Variants in ATP8A1 observed in about 807,000 individuals in gnomAD.
ATP8A1 encodes the protein ATPase phospholipid transporting 8A1.
A neutral mutation model predicts 177.7 loss-of-function variants in ATP8A1; 90 were observed. The ratio of observed to expected loss-of-function variants is 0.51; its 90% CI spans 0.43 to 0.60. ATP8A1 has a LOEUF of 0.60. ATP8A1 is among the 20% of genes least tolerant of loss of function. The pLI, the probability that ATP8A1 is intolerant of heterozygous loss-of-function variation, is 0.00. For missense variants in ATP8A1, 1,072 were observed against 1,392.8 expected (o/e 0.77, Z 3.67); for synonymous variants, 493 against 485.9 (o/e 1.01, Z -0.19).
intron 14 of ATP8A1, among the ~76,000 whole-genome samples, chr4:42,573,327 G>C (rs962787729): frequency 1.3e-5 from 2 of 152,150 alleles, no homozygotes; most frequent in Non-Finnish European, 2.9e-5. Context: ...AATTGCAATA[G>C]GCTTTACTTT....
chr4:42,447,909 C>A (rs1487068613), intron 30 of ATP8A1, among the ~76,000 whole-genome samples: 5 of 152,104 alleles, frequency 3.3e-5, no homozygotes. Context: ...AGTATCAGGG[C>A]AAGGCATGTT....
At chr4:42,653,193 C>T (rs1741281568) in intron 1 of ATP8A1, among the ~76,000 whole-genome samples, 1 of 152,210 alleles carries the variant, frequency 6.6e-6, no homozygotes, top group Non-Finnish European at 1.5e-5. Context: ...ACTCCCTTAT[C>T]TCCTTCATGC....
chr4:42,584,242 TAGGGGAAGC>T (rs1484452099), intron 9 of ATP8A1, among the ~76,000 whole-genome samples: 1 of 151,594 alleles, frequency 6.6e-6, no homozygotes, highest in Non-Finnish European at 1.5e-5. Context: ...TACCATAAAG[TAGGGGAAGC>T]AGGGAAAGAA....
chr4:42,609,763 A>G (rs957796303), intron 5 of ATP8A1, among the ~76,000 whole-genome samples: 1 of 151,790 alleles, frequency 6.6e-6, no homozygotes, highest in Non-Finnish European at 1.5e-5. Context: ...TTAATAAGAA[A>G]ATCAATCTCT....
rs182643709 is a variant in ATP8A1, at chr4:42,613,671, C to T, written c.409+2362G>A. ...CGGTCTTGGCTCACTGCAACCTCCG[C>T]CTCCTGGGTTTGAGCGATTCTCCTA... On this transcript the variant is annotated intron_variant, in intron 5 of 36. Coordinates refer to ENST00000381668, the MANE Select transcript of ATP8A1 (RefSeq NM_006095.2). 6.5e-3 allele frequency among the ~76,000 whole-genome samples: 991 copies of T among 152,232 alleles called. 39 individuals carry two copies. The highest frequency in any genetic ancestry group is 0.061 in the Admixed American group (937 of 15,284).
chr4:42,639,689 C>T (rs1339779703), intron 1 of ATP8A1, among the ~76,000 whole-genome samples: 1 of 152,094 alleles, frequency 6.6e-6, no homozygotes, highest in East Asian at 1.9e-4. Flanking sequence ...CTGTGAGAAC[C>T]TGCAAAATAG....
chr4:42,413,711 ATT>A (rs1005311812), intron 36 of ATP8A1, among the ~76,000 whole-genome samples: 2 of 151,942 alleles, frequency 1.3e-5, no homozygotes, highest in Non-Finnish European at 2.9e-5. Flanking sequence ...AATTTTGTGA[ATT>A]TTTTTTTCCC....
intron 16 of ATP8A1, among the ~76,000 whole-genome samples, chr4:42,555,474 C>G (rs1730118001): frequency 1.3e-5 from 2 of 151,792 alleles, no homozygotes; most frequent in African/African-American, 4.8e-5. Context: ...TAATAACCAC[C>G]ATGAATTAAT....
At chr4:42,552,186 G>A (rs1404844478) in intron 17 of ATP8A1, among the ~76,000 whole-genome samples, 1 of 152,098 alleles carries the variant, frequency 6.6e-6, no homozygotes, top group Non-Finnish European at 1.5e-5. Context: ...AAATCAGCTT[G>A]ACTAAGAGTT....
At chr4:42,420,891 C>T (rs1232477778) in intron 35 of ATP8A1, among the ~76,000 whole-genome samples, 5 of 152,078 alleles carry the variant, frequency 3.3e-5, no homozygotes, top group Middle Eastern at 3.4e-3. Context: ...GCCTCAGCCT[C>T]CCGAGTAGCT....
chr4:42,432,982 A>C (rs1052914703), intron 33 of ATP8A1, among the ~76,000 whole-genome samples: 7 of 152,188 alleles, frequency 4.6e-5, no homozygotes, highest in African/African-American at 1.2e-4. Context: ...CTCTGACTCA[A>C]ATCTTTATTC....
At chr4:42,446,722 G>T in intron 30 of ATP8A1, 78 bp from the exon 31 acceptor site, 2 of 1,337,508 alleles carry the variant, frequency 1.5e-6, no homozygotes, top group South Asian at 1.2e-5. Flanking sequence ...CAGAAAGTTT[G>T]AACGAAGGAA....
chr4:42,486,736 T>C (rs1458243000), intron 24 of ATP8A1, among the ~76,000 whole-genome samples: 1 of 152,168 alleles, frequency 6.6e-6, no homozygotes, highest in Non-Finnish European at 1.5e-5. Flanking sequence ...TGAGACCATA[T>C]TTTTACTGTG....
intron 20 of ATP8A1, among the ~76,000 whole-genome samples, chr4:42,540,969 T>C (rs1216016713): frequency 2.6e-5 from 4 of 152,128 alleles, no homozygotes; most frequent in African/African-American, 4.8e-5. Flanking sequence ...CTGCATTATA[T>C]ACATGTAACA....
At chr4:42,467,122 A>G (rs1473753087) in intron 25 of ATP8A1, among the ~76,000 whole-genome samples, 1 of 152,252 alleles carries the variant, frequency 6.6e-6, no homozygotes, top group East Asian at 1.9e-4. Flanking sequence ...ATTTTTAAAA[A>G]GCATCAGAAA....
chr4:42,443,166 T>C (rs924976305), intron 33 of ATP8A1, among the ~76,000 whole-genome samples: 3 of 152,206 alleles, frequency 2.0e-5, no homozygotes, highest in African/African-American at 4.8e-5. Context: ...TTCTCTGGAA[T>C]AAGAGATAAC....
chr4:42,602,228 G>A (rs1421834065), intron 5 of ATP8A1, among the ~76,000 whole-genome samples: 1 of 152,114 alleles, frequency 6.6e-6, no homozygotes, highest in African/African-American at 2.4e-5. Context: ...TACGGACCAA[G>A]GATCTAAAGC....
intron 5 of ATP8A1, among the ~76,000 whole-genome samples, chr4:42,611,580 AAATAC>A (rs1359593049): frequency 2.0e-5 from 3 of 150,312 alleles, no homozygotes; most frequent in Non-Finnish European, 4.5e-5. Flanking sequence ...AAATTTTCCC[AAATAC>A]CTTAGTTTGC....
At chr4:42,531,248 A>G (rs1164100706) in intron 20 of ATP8A1, among the ~76,000 whole-genome samples, 2 of 152,226 alleles carry the variant, frequency 1.3e-5, no homozygotes, top group Non-Finnish European at 2.9e-5. Flanking sequence ...AGGCAGGACT[A>G]CAAATGGTCC....
Sources: allele counts gnomAD v4.1 joint callset (sites outside exome capture counted in the v4.1 genomes callset), GRCh38; gene constraint gnomAD v4.1.1; transcripts MANE v1.5; gene names NCBI Gene and HGNC (gene_info 2026-07-23, HGNC 2026-07-21).